IRAK2: variants seen among roughly 807,000 people sequenced by gnomAD.
The protein encoded by IRAK2 is interleukin 1 receptor associated kinase 2.
Under a neutral mutation model 72.0 loss-of-function variants are expected in IRAK2, and 57 were observed. The ratio of observed to expected loss-of-function variants is 0.79; its 90% confidence interval spans 0.64 to 0.99. The LOEUF (loss-of-function observed/expected upper bound fraction) is 0.99. IRAK2 is among the 50% of genes least tolerant of loss of function. IRAK2 has a pLI of 0.00. For synonymous variants in IRAK2, 293 were observed against 312.7 expected, an observed-to-expected ratio of 0.94 and a Z score of 0.67; for missense variants, 790 against 794.4, an observed-to-expected ratio of 0.99 and a Z score of 0.07.
At chr3:10,215,751 T>TACACACACACACACACACAC (rs145978380) in intron 6 of IRAK2, among the ~76,000 whole-genome samples, 45 of 150,126 alleles carry the variant, frequency 3.0e-4, no homozygotes, top group African/African-American at 1.1e-3. Flanking sequence ...CTCACATGTG[T>TACACACACACACACACACAC]ACACACACAC....
intron 2 of IRAK2, among the ~76,000 whole-genome samples, chr3:10,182,424 A>G (rs995554251): frequency 1.3e-5 from 2 of 151,764 alleles, no homozygotes. Context: ...GTGGGACTAC[A>G]GGTGCCCGCC....
chr3:10,190,665 T>C (rs906927126), intron 2 of IRAK2, among the ~76,000 whole-genome samples: 4 of 152,168 alleles, frequency 2.6e-5, no homozygotes, highest in East Asian at 1.9e-4. Context: ...CCATCCTTTA[T>C]TGAACTCCTG....
Position 10,167,446 on chromosome 3 carries a change from G to A in IRAK2, c.94+2398G>A, listed in dbSNP as rs165500. Among the ~76,000 whole-genome samples, 29 of 150,212 alleles carry A rather than the reference G, an allele frequency of 1.9e-4. No individual in the cohort carries two copies. In the East Asian group the frequency reaches 5.3e-3, roughly 27 times the overall value. ...TTTTTTTTTTTTGAGACGGAGTCTC[G>A]CTTTGTCACCCAGGCTGGAGTGCAG... On this transcript the variant is annotated intron_variant, in intron 1 of 12. Coordinates refer to ENST00000256458, the MANE Select transcript of IRAK2 (RefSeq NM_001570.4).
At chr3:10,232,832 G>T (rs1053899626) in intron 10 of IRAK2, among the ~76,000 whole-genome samples, 1 of 152,098 alleles carries the variant, frequency 6.6e-6, no homozygotes, top group Non-Finnish European at 1.5e-5. Flanking sequence ...GAGATGCCAA[G>T]ACAGGAGGAT....
intron 3 of IRAK2, among the ~76,000 whole-genome samples, chr3:10,207,814 G>A (rs1237958795): frequency 6.6e-6 from 1 of 152,028 alleles, no homozygotes; most frequent in Admixed American, 6.6e-5. Flanking sequence ...CCAACATGGT[G>A]AAACCCCATC....
intron 2 of IRAK2, among the ~76,000 whole-genome samples, chr3:10,182,935 T>C (rs758116190): frequency 6.6e-6 from 1 of 151,610 alleles, no homozygotes; most frequent in Non-Finnish European, 1.5e-5. Context: ...TGCATCTGGT[T>C]AAGTTTTTGA....
chr3:10,174,201 G>A (rs1696838840), intron 1 of IRAK2, among the ~76,000 whole-genome samples: 1 of 152,150 alleles, frequency 6.6e-6, no homozygotes, highest in Non-Finnish European at 1.5e-5. Flanking sequence ...ACTTCCCACT[G>A]ACCAGCAATC....
intron 1 of IRAK2, among the ~76,000 whole-genome samples, chr3:10,165,863 T>C (rs1389928021): frequency 6.6e-6 from 1 of 152,022 alleles, no homozygotes; most frequent in Non-Finnish European, 1.5e-5. Flanking sequence ...TCTGAGTAGC[T>C]GGGACTACAG....
intron 1 of IRAK2, among the ~76,000 whole-genome samples, chr3:10,173,969 G>A (rs568613544): frequency 2.0e-5 from 3 of 152,162 alleles, no homozygotes; most frequent in Non-Finnish European, 2.9e-5. Flanking sequence ...TTACCATCAC[G>A]AGTAAGGAAA....
rs911419940 is a variant in IRAK2, at chr3:10,234,282, G to A, written c.1273-177G>A. 3.3e-5 allele frequency among the ~76,000 whole-genome samples: 5 copies of A among 152,248 alleles called. No individual in the cohort carries two copies. The East Asian group carries it at 5.8e-4, about 18-fold the overall frequency. On this transcript the variant is annotated intron_variant, in intron 10 of 12. Transcript: ENST00000256458. ...GAGTGCCCTGTGCATGTAGGAAATC[G>A]AATCCTTCTCCATTTCTTGGGGGTT...
At chr3:10,241,379 G>C (rs952870870) in intron 12 of IRAK2, among the ~76,000 whole-genome samples, 1 of 151,508 alleles carries the variant, frequency 6.6e-6, no homozygotes, top group African/African-American at 2.4e-5. Context: ...CTAAGATGGT[G>C]AAACCCCGTC....
intron 10 of IRAK2, among the ~76,000 whole-genome samples, chr3:10,231,398 T>C (rs1043923995): frequency 6.6e-6 from 1 of 152,074 alleles, no homozygotes; most frequent in African/African-American, 2.4e-5. Context: ...TTCAAGCAAT[T>C]CTCCTGCCTC....
At chr3:10,221,490 T>C (rs1006837017) in intron 8 of IRAK2, among the ~76,000 whole-genome samples, 1 of 151,538 alleles carries the variant, frequency 6.6e-6, no homozygotes, top group African/African-American at 2.4e-5. Context: ...CCTGACCTCG[T>C]GATCCACCCA....
intron 6 of IRAK2, among the ~76,000 whole-genome samples, chr3:10,213,905 C>CTCTCCTTTTTTTTTTTCTTT (rs1333120793): frequency 3.3e-5 from 5 of 151,854 alleles, no homozygotes; most frequent in Non-Finnish European, 1.5e-5. Context: ...AATAAATCTT[C>CTCTCCTTTTTTTTTTTCTTT]TCTCCTTTTT....
At chr3:10,218,448 A>AAACG (rs1697640007) in intron 7 of IRAK2, among the ~76,000 whole-genome samples, 1 of 149,204 alleles carries the variant, frequency 6.7e-6, no homozygotes, top group Non-Finnish European at 1.5e-5. Flanking sequence ...AAAAAAAACC[A>AAACG]AAACGGTGAT....
chr3:10,214,789 A>T (rs1209985882), intron 6 of IRAK2, among the ~76,000 whole-genome samples: 4 of 151,890 alleles, frequency 2.6e-5, no homozygotes, highest in Admixed American at 6.6e-5. Flanking sequence ...AACTGAAAAA[A>T]ATATATATAC....
chr3:10,184,491 C>A (rs569407413), intron 2 of IRAK2, among the ~76,000 whole-genome samples: 1 of 151,904 alleles, frequency 6.6e-6, no homozygotes, highest in Non-Finnish European at 1.5e-5. Flanking sequence ...GATGTGTAGC[C>A]TTCTCTAATG....
intron 3 of IRAK2, among the ~76,000 whole-genome samples, chr3:10,207,406 C>G (rs1017479770): frequency 2.0e-5 from 3 of 152,214 alleles, no homozygotes; most frequent in Non-Finnish European, 4.4e-5. Flanking sequence ...TACTCAGAAG[C>G]TGTCCTTGCC....
At chr3:10,207,068 G>T (rs186898598) in intron 3 of IRAK2, among the ~76,000 whole-genome samples, 50 of 151,774 alleles carry the variant, frequency 3.3e-4, no homozygotes, top group Admixed American at 7.2e-4. Flanking sequence ...GGCCAGGCTG[G>T]TCTTAAACTC....
Sources: allele counts gnomAD v4.1 joint callset (sites outside exome capture counted in the v4.1 genomes callset), GRCh38; gene constraint gnomAD v4.1.1; transcripts MANE v1.5; gene names NCBI Gene and HGNC (gene_info 2026-07-23, HGNC 2026-07-21).